The following SNX8 variants were observed in gnomAD, a reference collection of about 807,000 sequenced individuals.
The protein encoded by SNX8 is sorting nexin-8.
In SNX8, 25 loss-of-function variants were observed where a neutral mutation model predicts 51.6. The ratio of observed to expected loss-of-function variants is 0.48; its 90% CI spans 0.35 to 0.68. SNX8 has a LOEUF of 0.68. SNX8 is among the 30% of genes least tolerant of loss of function. The pLI is 0.00. For synonymous variants in SNX8, 324 were observed against 277.0 expected, an observed-to-expected ratio of 1.17 and a Z score of -1.68; for missense variants, 695 against 624.0, an observed-to-expected ratio of 1.11 and a Z score of -1.21.
In SNX8 at chr7:2,333,397, T is replaced by A. The variant is rs116521231; in HGVS notation, c.-66+20825A>T. Among the ~76,000 whole-genome samples, 1,220 of 151,964 alleles carry A rather than the reference T, an allele frequency of 8.0e-3. 26 individuals are homozygous for A. Among genetic ancestry groups the A allele is most frequent in the African/African-American group, 0.024 (996 of 41,500 alleles). ...AAACATGGTGAAATCCCATTTCTAC[T>A]AAAAATACAAATAGTAGCTGGCCAT... On this transcript the variant is annotated intron_variant, in intron 1 of 5. Transcript: ENST00000435336.
intron 1 of SNX8, among the ~76,000 whole-genome samples, chr7:2,313,398 T>G (rs1246387830): frequency 6.6e-6 from 1 of 151,226 alleles, no homozygotes; most frequent in Non-Finnish European, 1.5e-5. Context: ...TCATGGTGGA[T>G]GCCTGTAATC....
rs1485632392 is a variant in SNX8 at position 2,257,012 on chromosome 7, C to T, written c.1146G>A (p.Ala382=). Residue 382 remains alanine (A), a synonymous_variant, in exon 10 of 11, where the codon GCG becomes GCA. Coordinates refer to ENST00000222990, the MANE Select transcript of SNX8 (RefSeq NM_013321.4). ...LESRIVEQEN[A]IQTMELRNYF... ...AGTTCCGCAGCTCCATCGTCTGAAT[C>T]GCGTTCTCCTGCTGCGGAGCAAACA... 6 of 1,605,436 alleles carry T rather than the reference C, an allele frequency of 3.7e-6. No individual in the cohort carries two copies. Among genetic ancestry groups the T allele is most frequent in the Non-Finnish European group, 5.1e-6 (6 of 1,174,598 alleles).
intron 1 of SNX8, among the ~76,000 whole-genome samples, chr7:2,347,022 T>C (rs571875094): frequency 2.0e-5 from 3 of 151,540 alleles, no homozygotes; most frequent in Non-Finnish European, 2.9e-5. Flanking sequence ...CCAAGCATCA[T>C]AGGGCAGAAA....
At chr7:2,277,981 G>A in intron 2 of SNX8, 119 bp downstream of exon 2, 4 of 1,452,300 alleles carry the variant, frequency 2.8e-6, no homozygotes, top group Non-Finnish European at 2.7e-6. Context: ...TTGCCTGTAA[G>A]CCAGCCACAC....
At chr7:2,327,628 C>T (rs535053439) in intron 1 of SNX8, among the ~76,000 whole-genome samples, 9 of 151,854 alleles carry the variant, frequency 5.9e-5, no homozygotes, top group South Asian at 4.2e-4. Flanking sequence ...AGGATGGTCT[C>T]GATCTCCTGA....
rs565659599 is a variant in SNX8, at chr7:2,277,693, G to C, written c.300+407C>G. 1.7e-4 allele frequency among the ~76,000 whole-genome samples: 26 copies of C among 152,142 alleles called. No individual in the cohort carries two copies. In the South Asian group the frequency reaches 5.0e-3, roughly 29 times the overall value. On this transcript the variant is annotated intron_variant, in intron 2 of 10. Transcript: ENST00000222990. ...GTGGTGGCGGGCACCTGTCATCCCA[G>C]CTACTTGGGAGGCTGAGGCAGGAGA...
chr7:2,276,509 G>A (rs981691773), intron 2 of SNX8, among the ~76,000 whole-genome samples: 2 of 152,138 alleles, frequency 1.3e-5, no homozygotes, highest in Admixed American at 6.5e-5. Flanking sequence ...AGACCGGCTC[G>A]CTTGTCCTTA....
At chr7:2,324,088 C>G (rs1260338796) in intron 1 of SNX8, among the ~76,000 whole-genome samples, 1 of 151,618 alleles carries the variant, frequency 6.6e-6, no homozygotes, top group Non-Finnish European at 1.5e-5. Flanking sequence ...CCACTGTACT[C>G]CAGCCTGGGG....
intron 1 of SNX8, among the ~76,000 whole-genome samples, chr7:2,329,094 A>C (rs889644063): frequency 1.4e-4 from 21 of 149,932 alleles, no homozygotes; most frequent in African/African-American, 3.7e-4. Context: ...TCAAAAAAAA[A>C]AAAACAAAAC....
At chr7:2,294,189 G>C (rs1796220203) in intron 1 of SNX8, among the ~76,000 whole-genome samples, 1 of 151,902 alleles carries the variant, frequency 6.6e-6, no homozygotes, top group African/African-American at 2.4e-5. Flanking sequence ...TTTGAACCTG[G>C]GAGGCAGAGG....
intron 1 of SNX8, among the ~76,000 whole-genome samples, chr7:2,301,519 C>A (rs561389424): frequency 7.4e-4 from 113 of 152,344 alleles, no homozygotes; most frequent in African/African-American, 2.6e-3. Flanking sequence ...CTTACCAGGG[C>A]ACCCAGAGCA....
At position 2,268,163 on chromosome 7, in the gene SNX8, T is replaced by TG. The variant is rs1249532903; in HGVS notation, c.621+1395dup. ...CCAGCCGCCCCATCCGGGAGGGAGG[T>TG]GGGGGGCGTCAGCCCTCCGCCCGGC... On this transcript the variant is annotated intron_variant, in intron 5 of 10. Coordinates refer to ENST00000222990, the MANE Select transcript of SNX8 (RefSeq NM_013321.4). Among the ~76,000 whole-genome samples, 14 of 124,968 alleles carry TG rather than the reference T, an allele frequency of 1.1e-4. 1 individual carries two copies. Among genetic ancestry groups the TG allele is most frequent in the African/African-American group, 2.9e-4 (9 of 31,356 alleles). 82.0% of individuals were successfully genotyped at this position (124,968 alleles called of 152,430 possible).
chr7:2,258,567 C>T (rs1008083649), intron 7 of SNX8, among the ~76,000 whole-genome samples: 1 of 152,028 alleles, frequency 6.6e-6, no homozygotes, highest in Non-Finnish European at 1.5e-5. Context: ...AGGAGGGGCA[C>T]GGAGGAGAAC....
chr7:2,347,394 T>C (rs1221749956), intron 1 of SNX8, among the ~76,000 whole-genome samples: 2 of 146,524 alleles, frequency 1.4e-5, no homozygotes, highest in African/African-American at 5.1e-5. Flanking sequence ...GACAGGAGAA[T>C]CGCTTGAACC....
intron 1 of SNX8, among the ~76,000 whole-genome samples, chr7:2,332,856 A>AAGAG (rs561980365): frequency 6.6e-6 from 1 of 150,908 alleles, no homozygotes; most frequent in Non-Finnish European, 1.5e-5. Flanking sequence ...GGGAGGGAAA[A>AAGAG]AGAGAGAGAG....
At chr7:2,349,129 G>C (rs1779091344) in intron 1 of SNX8, among the ~76,000 whole-genome samples, 1 of 148,850 alleles carries the variant, frequency 6.7e-6, no homozygotes, top group South Asian at 2.1e-4. Context: ...GCTTGAACCT[G>C]GGAGGTGGAG....
At chr7:2,299,906 G>A (rs1011799031) in intron 1 of SNX8, among the ~76,000 whole-genome samples, 3 of 152,132 alleles carry the variant, frequency 2.0e-5, no homozygotes, top group African/African-American at 7.2e-5. Context: ...GGCCAAGTGA[G>A]ATACAATTAA....
At chr7:2,282,896 T>C (rs987317809) in intron 1 of SNX8, among the ~76,000 whole-genome samples, 3 of 151,226 alleles carry the variant, frequency 2.0e-5, no homozygotes, top group African/African-American at 4.9e-5. Flanking sequence ...CCGAGGCGGG[T>C]GGATCACGAG....
intron 1 of SNX8, among the ~76,000 whole-genome samples, chr7:2,282,555 C>T (rs1795931271): frequency 1.3e-5 from 2 of 152,238 alleles, no homozygotes; most frequent in Admixed American, 6.5e-5. Context: ...CAAACACACA[C>T]ACCCATCTCC....
Sources: gnomAD v4.1 joint callset for allele counts (sites outside exome capture counted in the v4.1 genomes callset) on GRCh38, gnomAD v4.1.1 for gene constraint, MANE v1.5 for transcripts, NCBI Gene and HGNC (gene_info 2026-07-23, HGNC 2026-07-21) for gene names.